Variants in USP42 observed in about 807,000 individuals in gnomAD.
USP42 encodes ubiquitin carboxyl-terminal hydrolase 42.
Under a neutral mutation model 113.0 loss-of-function variants are expected in USP42, and 23 were observed. The observed-to-expected ratio is 0.20, with a 90% CI of 0.15 to 0.29. USP42 has a LOEUF of 0.29. USP42 is among the 10% of genes least tolerant of loss of function. The pLI, the probability that USP42 is intolerant of heterozygous loss-of-function variation, is 1.00. For missense variants in USP42, 2,174 were observed against 1,779.8 expected, an observed-to-expected ratio of 1.22 and a Z score of -3.99; for synonymous variants, 933 against 699.0, an observed-to-expected ratio of 1.33 and a Z score of -5.28.
chr7:6,105,652 G>A (rs1462006645), intron 1 of USP42, among the ~76,000 whole-genome samples: 2 of 152,224 alleles, frequency 1.3e-5, no homozygotes, highest in Non-Finnish European at 2.9e-5. Flanking sequence ...CGGGCGGAGC[G>A]GCCACCCCGA....
chr7:6,101,038 G>A (rs1224401611), upstream of USP42, among the ~76,000 whole-genome samples: 1 of 150,714 alleles, frequency 6.6e-6, no homozygotes, highest in Non-Finnish European at 1.5e-5. Context: ...ACAAGATTTA[G>A]GTACAATTTG....
chr7:6,148,023 C>T (rs1781820950), intron 12 of USP42, 131 bp downstream of exon 12: 1 of 991,224 alleles, frequency 1.0e-6, no homozygotes, highest in Non-Finnish European at 1.5e-6. Context: ...TTAATCAAAC[C>T]CTCTTACACA....
rs1046764054 is a variant in USP42 at position 6,139,473 on chromosome 7, C to T, written c.656+279C>T. 6.6e-5 allele frequency: 19 copies of T among 289,568 alleles called. No individual in the cohort carries two copies. Among genetic ancestry groups the T allele is most frequent in the East Asian group, 1.5e-4 (2 of 13,608 alleles). 17.9% of individuals were successfully genotyped at this position (289,568 alleles called of 1,614,324 possible). ...TATTTAATTTCTCATTATCAGCAGA[C>T]GTCTGCAGATCTCAAACTAGCTGCT... On this transcript the variant is annotated intron_variant, in intron 5 of 17. Coordinates refer to ENST00000306177, the MANE Select transcript of USP42 (RefSeq NM_032172.3). This position sits in a 1 kb window ranked among gnomAD's most constrained non-coding sequence, Gnocchi z 4.5.
intron 15 of USP42, among the ~76,000 whole-genome samples, chr7:6,155,503 T>C (rs913511298): frequency 2.0e-5 from 3 of 152,238 alleles, no homozygotes; most frequent in Admixed American, 6.5e-5. Flanking sequence ...GCATGCAGTG[T>C]TCCATCAATG....
chr7:6,146,134 G>C lies in USP42; in HGVS notation c.1132-14G>C. 1 of 1,499,574 alleles carries C rather than the reference G, an allele frequency of 6.7e-7. No individual in the cohort carries two copies. The highest frequency in any genetic ancestry group is 9.1e-7 in the Non-Finnish European group (1 of 1,096,592). 92.9% of individuals were successfully genotyped at this position (1,499,574 alleles called of 1,614,324 possible). A position where few individuals can be genotyped will look rare whatever the true frequency, so the allele number is the denominator to read the frequency against. ...TAAATCTAATCTCTCTCTTTTATTG[G>C]CTCTCATTTATAGGCTAGCAATGGC... On this transcript the variant is annotated splice_polypyrimidine_tract_variant and intron_variant, in intron 10 of 17. Coordinates refer to ENST00000306177, the MANE Select transcript of USP42 (RefSeq NM_032172.3).
chr7:6,156,930 C>G lies in USP42; in HGVS notation c.3818C>G (p.Ala1273Gly), dbSNP rs929516314. 1.2e-6 allele frequency: 2 copies of G among 1,613,790 alleles called. No individual in the cohort carries two copies. The highest frequency in any genetic ancestry group is 2.7e-5 in the African/African-American group (2 of 74,900). The change falls in exon 16 of 18, where the codon GCC becomes GGC. Residue 1273 changes from alanine (A) to glycine (G), a missense_variant. Ala to Gly is a moderately conservative substitution (Grantham distance 60). Transcript: ENST00000306177. ...GAGACTGTCGCCCAGTTCCGGAGAG[C>G]CCAGGGTGGCTTTCCTCTCTCTGGT... ...SLETVAQFRR[A>G]QGGFPLSGGP...
intron 7 of USP42, among the ~76,000 whole-genome samples, chr7:6,141,201 C>CTTTTTTTTT (rs903124477): frequency 3.2e-5 from 4 of 123,998 alleles, no homozygotes; most frequent in Admixed American, 8.3e-5. Flanking sequence ...TTTTTCTTTT[C>CTTTTTTTTT]TTTTTTTTTT....
Position 6,153,853 on chromosome 7 carries a change from G to C in USP42, c.2299G>C (p.Ala767Pro). Reference protein sequence around the residue: ...AESLEEPDAAAGLSSTKKAPP... With the variant: ...AESLEEPDAAPGLSSTKKAPP... ...ATCCCTGGAGGAGCCAGATGCGGCC[G>C]CCGGCCTCAGCAGCACCAAGAAGGC... The change falls in exon 15 of 18, where the codon GCC (alanine) becomes CCC (proline). Residue 767 changes from alanine (A) to proline (P), a missense_variant. Physicochemically the swap from Ala to Pro is conservative, Grantham distance 27. Transcript: ENST00000306177. 6.5e-7 allele frequency: 1 copy of C among 1,548,838 alleles called. No homozygotes were observed. Among genetic ancestry groups the C allele is most frequent in the Non-Finnish European group, 8.7e-7 (1 of 1,147,346 alleles).
At chr7:6,141,149 T>C (rs1160544852) in intron 7 of USP42, among the ~76,000 whole-genome samples, 165 bp downstream of exon 7, 1 of 151,476 alleles carries the variant, frequency 6.6e-6, no homozygotes, top group Non-Finnish European at 1.5e-5. Context: ...GTAAGCATCA[T>C]AAAAAAGCTT....
intron 8 of USP42, among the ~76,000 whole-genome samples, chr7:6,143,261 G>A (rs929709435): frequency 1.3e-5 from 2 of 152,132 alleles, no homozygotes; most frequent in African/African-American, 4.8e-5. Flanking sequence ...TCGGTGGGAG[G>A]AGAGAGGTAA....
At chr7:6,138,778 C>T (rs1781294066) in intron 4 of USP42, among the ~76,000 whole-genome samples, 1 of 152,172 alleles carries the variant, frequency 6.6e-6, no homozygotes. Context: ...GATCCAGGTT[C>T]CATGCTCCTT....
intron 3 of USP42, chr7:6,128,298 T>A (rs1172525303): frequency 6.7e-6 from 1 of 150,290 alleles, no homozygotes; most frequent in African/African-American, 2.5e-5. Flanking sequence ...GGTCTCACTC[T>A]GTCACCTGGT....
rs781132095 is a variant in USP42, at chr7:6,154,549, CACCCCG to C, written c.2996_3001del (p.His999_Gly1001delinsArg). The C allele has an allele frequency of 1.8e-4, 281 of 1,547,474 alleles. 1 individual carries two copies. The African/African-American group carries it at 3.1e-3, about 17-fold the overall frequency. Reference sequence around the variant, plus strand: ...CCAGGACCGCCACGCCCCGGAGCACCACCCCGGCCACGGCGACAGGCTCAGCCCTGG... The same window carrying C: ...CCAGGACCGCCACGCCCCGGAGCACCGCCACGGCGACAGGCTCAGCCCTGG... On this transcript the variant is annotated inframe_deletion, in exon 15 of 18. Coordinates refer to ENST00000306177, the MANE Select transcript of USP42 (RefSeq NM_032172.3).
chr7:6,129,559 GAAA>G (rs34404773), intron 3 of USP42, among the ~76,000 whole-genome samples: 4 of 103,312 alleles, frequency 3.9e-5, no homozygotes, highest in Admixed American at 2.2e-4. Flanking sequence ...TCTGCCTCAG[GAAA>G]AAAAAAAAAA....
In USP42 at chr7:6,154,926, C is replaced by G. The variant is rs1403567770; in HGVS notation, c.3372C>G (p.Ala1124=). 5.8e-6 allele frequency: 9 copies of G among 1,550,336 alleles called. No individual in the cohort carries two copies. In the African/African-American group the frequency reaches 1.1e-4, roughly 19 times the overall value. ...GCCCCCGCGCAGGCGCGCCCCACGC[C>G]CTCGCCCCGCACCCCGACCGCTTCT... The part of the protein sequence containing the change: ...PSSPRAGAPH[A]LAPHPDRFSH... Residue 1124 remains alanine (A), a synonymous_variant, in exon 15 of 18, where the codon GCC becomes GCG. Coordinates refer to ENST00000306177, the MANE Select transcript of USP42 (RefSeq NM_032172.3).
At chr7:6,111,415 T>C (rs998530924) in intron 2 of USP42, 41 bp downstream of exon 2, 6 of 1,597,702 alleles carry the variant, frequency 3.8e-6, no homozygotes, top group South Asian at 1.1e-5. Context: ...CAGAAACTCC[T>C]GTGTAAATGC....
upstream of USP42, among the ~76,000 whole-genome samples, chr7:6,104,250 T>G (rs536766031): frequency 6.6e-6 from 1 of 151,012 alleles, no homozygotes; most frequent in South Asian, 2.1e-4. Context: ...GCCCGGCTAA[T>G]TTTTTGTATC....
At chr7:6,141,049 C>T (rs10216107) in intron 7 of USP42, 65 bp downstream of exon 7, 34,311 of 814,382 alleles carry the variant, frequency 0.042, 1,096 homozygotes, top group African/African-American at 0.12. Context: ...AACTGTAGTT[C>T]ATTTATAATT....
At chr7:6,125,210 A>G (rs1033081309) in intron 3 of USP42, among the ~76,000 whole-genome samples, 2 of 142,500 alleles carry the variant, frequency 1.4e-5, no homozygotes, top group Admixed American at 7.1e-5. Flanking sequence ...AAAAACAGGC[A>G]GGATGCAGTG....
Sources: gnomAD v4.1 joint callset for allele counts (sites outside exome capture counted in the v4.1 genomes callset) on GRCh38, gnomAD v4.1.1 for gene constraint, Gnocchi (gnomAD v3.1) non-coding constraint, MANE v1.5 for transcripts, NCBI Gene and HGNC (gene_info 2026-07-23, HGNC 2026-07-21) for gene names.